Variants in MIGA2 observed in about 807,000 individuals in gnomAD.
MIGA2 encodes the protein mitoguardin 2.
A neutral mutation model predicts 69.9 loss-of-function variants in MIGA2; 36 were observed. The ratio of observed to expected loss-of-function variants is 0.52; its 90% CI spans 0.39 to 0.68. The LOEUF (loss-of-function observed/expected upper bound fraction) is 0.68. MIGA2 is among the 30% of genes least tolerant of loss of function. The pLI, the probability that MIGA2 is intolerant of heterozygous loss-of-function variation, is 0.00. For synonymous variants in MIGA2, 333 were observed against 349.2 expected, an observed-to-expected ratio of 0.95 and a Z score of 0.52; for missense variants, 660 against 787.7, an observed-to-expected ratio of 0.84 and a Z score of 1.94.
intron 6 of MIGA2, among the ~76,000 whole-genome samples, chr9:129,053,342 CA>C (rs1389792915): frequency 6.6e-6 from 1 of 152,052 alleles, no homozygotes; most frequent in Non-Finnish European, 1.5e-5. Flanking sequence ...TTCCTTCAGG[CA>C]TTTTTTTCTG....
chr9:129,065,736 C>A (rs985118269), intron 11 of MIGA2, among the ~76,000 whole-genome samples: 6 of 152,170 alleles, frequency 3.9e-5, no homozygotes, highest in Admixed American at 1.3e-4. Flanking sequence ...TGGAAGCCCC[C>A]CACACCACTT....
rs1347312634 is a variant in MIGA2 at position 129,069,369 on chromosome 9, C to T, written c.1458+240C>T. ...GCCACTGGGGAGGGGAACGGATACC[C>T]TAGGGTAGTGGCCACAGGGCTGGCA... is the stretch of plus-strand genomic sequence containing the variant. On this transcript the variant is annotated intron_variant, in intron 14 of 15. Transcript: ENST00000684074. The surrounding 1 kb of genome is among the most constrained non-coding windows in gnomAD (Gnocchi z 4.9). 5 of 588,956 alleles carry T rather than the reference C, an allele frequency of 8.5e-6. No individual in the cohort carries two copies. The East Asian group carries it at 1.4e-4, about 17-fold the overall frequency. The allele number at this position is 588,956 out of a possible 1,614,324, so 36.5% of individuals were successfully genotyped here. A position where few individuals can be genotyped will look rare whatever the true frequency, so the allele number is the denominator to read the frequency against.
intron 1 of MIGA2, 39 bp from the exon 2 acceptor site, chr9:129,040,413 T>C: frequency 7.5e-7 from 1 of 1,342,008 alleles, no homozygotes; most frequent in Non-Finnish European, 9.7e-7. Context: ...TGTTCCCGTG[T>C]GCACGTTCTC....
intron 12 of MIGA2, 38 bp downstream of exon 12, chr9:129,067,909 C>T (rs767338421): frequency 6.3e-7 from 1 of 1,585,128 alleles, no homozygotes; most frequent in Non-Finnish European, 8.6e-7. Flanking sequence ...ATCCCGGGCT[C>T]CCCTGCATCT....
In MIGA2 at chr9:129,059,083, G is replaced by A; in HGVS notation, c.676-71G>A. The A allele has an allele frequency of 7.2e-7, 1 of 1,382,094 alleles. No individual in the cohort carries two copies. Among genetic ancestry groups the A allele is most frequent in the Non-Finnish European group, 1.0e-6 (1 of 973,086 alleles). 85.6% of individuals were successfully genotyped at this position (1,382,094 alleles called of 1,614,324 possible). On this transcript the variant is annotated intron_variant, in intron 6 of 15. Coordinates refer to ENST00000684074, the MANE Select transcript of MIGA2 (RefSeq NM_001329990.2). The surrounding 1 kb of genome is among the most constrained non-coding windows in gnomAD (Gnocchi z 5.6). ...TCCTCCCCTTTCCCCAGGGACCTGG[G>A]GGTGAGGGAAGGGGCCATTTTCATC... is the stretch of plus-strand genomic sequence containing the variant.
At chr9:129,064,939 C>T (rs564444090) in intron 11 of MIGA2, among the ~76,000 whole-genome samples, 17 of 151,894 alleles carry the variant, frequency 1.1e-4, no homozygotes, top group East Asian at 9.7e-4. Flanking sequence ...TGTGTCACCG[C>T]GCCTGGCTAA....
rs551560383 is a variant in MIGA2 at position 129,040,520 on chromosome 9, G to T, written c.-75G>T. ...GGGCGTGGATGGTGCCTGGGACCCA[G>T]CTGGCAACCAGTTGAAGACGTTCTC... On this transcript the variant is annotated 5_prime_UTR_variant, in exon 2 of 16. Coordinates refer to ENST00000684074, the MANE Select transcript of MIGA2 (RefSeq NM_001329990.2). The T allele has an allele frequency of 5.0e-5, 76 of 1,526,706 alleles. No homozygotes were observed. In the African/African-American group the frequency reaches 9.6e-4, roughly 19 times the overall value. The allele number at this position is 1,526,706 out of a possible 1,614,324, so 94.6% of individuals were successfully genotyped here.
At chr9:129,055,942 A>T (rs993617274) in intron 6 of MIGA2, among the ~76,000 whole-genome samples, 9 of 151,830 alleles carry the variant, frequency 5.9e-5, no homozygotes, top group African/African-American at 2.2e-4. Flanking sequence ...TGAGTCTAGG[A>T]ATTCAAGACC....
In MIGA2 at chr9:129,060,595, G is replaced by C. The variant is rs773977886; in HGVS notation, c.839G>C (p.Arg280Pro). 6.2e-7 allele frequency: 1 copy of C among 1,606,266 alleles called. No homozygotes were observed. The highest frequency in any genetic ancestry group is 8.5e-7 in the Non-Finnish European group (1 of 1,176,582). Reference protein sequence around the residue: ...LPLTEGSLRLRADDEDSLTSE... With the variant: ...LPLTEGSLRLPADDEDSLTSE... ...CTGACCGAGGGCTCGCTGCGGCTGC[G>C]GGCGGACGATGAGGACAGCCTGACT... Residue 280 changes from arginine (R) to proline (P), a missense_variant, in exon 8 of 16, where the codon CGG (arginine) becomes CCG (proline). Coordinates refer to ENST00000684074, the MANE Select transcript of MIGA2 (RefSeq NM_001329990.2). The surrounding 1 kb of genome is among the most constrained non-coding windows in gnomAD (Gnocchi z 4.8).
Position 129,060,773 on chromosome 9 carries a change from G to A in MIGA2, c.894+123G>A, listed in dbSNP as rs1846028567. 2 of 790,734 alleles carry A rather than the reference G, an allele frequency of 2.5e-6. No individual in the cohort carries two copies. Among genetic ancestry groups the A allele is most frequent in the Non-Finnish European group, 4.0e-6 (2 of 500,168 alleles). 49.0% of individuals were successfully genotyped at this position (790,734 alleles called of 1,614,324 possible). A position where few individuals can be genotyped will look rare whatever the true frequency, so the allele number is the denominator to read the frequency against. On this transcript the variant is annotated intron_variant, in intron 8 of 15. Coordinates refer to ENST00000684074, the MANE Select transcript of MIGA2 (RefSeq NM_001329990.2). The surrounding 1 kb of genome is among the most constrained non-coding windows in gnomAD (Gnocchi z 4.8). ...TTTCCTCTGATGGGAGAATTTGGAT[G>A]CTCCCACGGGCCTCCTCGAAGCTGT...
chr9:129,049,742 C>G, intron 5 of MIGA2, 85 bp from the exon 6 acceptor site: 3 of 1,599,788 alleles, frequency 1.9e-6, no homozygotes, highest in Non-Finnish European at 2.6e-6. Flanking sequence ...CTTCAAGGCC[C>G]TCCTGCCTCC....
chr9:129,070,521 G>A lies in MIGA2; in HGVS notation c.*68G>A. On this transcript the variant is annotated 3_prime_UTR_variant, in exon 16 of 16. Coordinates refer to ENST00000684074, the MANE Select transcript of MIGA2 (RefSeq NM_001329990.2). ...CCCTTCCCTGGGTTGGTATCTGACA[G>A]CTGTGGTGGCTGAGGGCCGTTGCCC... 2 of 1,433,170 alleles carry A rather than the reference G, an allele frequency of 1.4e-6. No homozygotes were observed. Among genetic ancestry groups the A allele is most frequent in the Non-Finnish European group, 1.8e-6 (2 of 1,088,940 alleles). 88.8% of individuals were successfully genotyped at this position (1,433,170 alleles called of 1,614,324 possible).
At chr9:129,057,939 T>A (rs1845878567) in intron 6 of MIGA2, among the ~76,000 whole-genome samples, 1 of 152,126 alleles carries the variant, frequency 6.6e-6, no homozygotes, top group South Asian at 2.1e-4. Flanking sequence ...TTAATAACAT[T>A]TTCTTTTCTC....
intron 3 of MIGA2, among the ~76,000 whole-genome samples, chr9:129,044,239 G>A (rs1302270269): frequency 1.3e-5 from 2 of 151,538 alleles, no homozygotes; most frequent in East Asian, 1.9e-4. Flanking sequence ...TGATCCACCC[G>A]CCTTGGCCTC....
chr9:129,063,127 A>G (rs1240792108), intron 9 of MIGA2, 117 bp from the exon 10 acceptor site: 3 of 1,012,340 alleles, frequency 3.0e-6, no homozygotes, highest in Non-Finnish European at 4.5e-6. Context: ...TGCCAGGCTG[A>G]GGCAGGGCCA....
In MIGA2 at chr9:129,071,732, T is replaced by A. The variant is rs1310095960; in HGVS notation, c.*1279T>A. The A allele has an allele frequency of 6.6e-6, 1 of 152,182 alleles. No homozygotes were observed. Among genetic ancestry groups the A allele is most frequent in the Non-Finnish European group, 1.5e-5 (1 of 67,984 alleles). 9.4% of individuals were successfully genotyped at this position (152,182 alleles called of 1,614,324 possible). On this transcript the variant is annotated 3_prime_UTR_variant, in exon 16 of 16. Transcript: ENST00000684074. Reference sequence around the variant, plus strand: ...GGCCCCTTCCCAGACACCGGATCCATGGGCACTAACCCGCCTCCCAGGCTG... The same window carrying A: ...GGCCCCTTCCCAGACACCGGATCCAAGGGCACTAACCCGCCTCCCAGGCTG...
At chr9:129,043,533 C>T (rs376529938) in intron 3 of MIGA2, among the ~76,000 whole-genome samples, 2 of 151,820 alleles carry the variant, frequency 1.3e-5, no homozygotes, top group African/African-American at 2.4e-5. Flanking sequence ...ACTACAGGCA[C>T]GTGCCACCAT....
Position 129,061,293 on chromosome 9 carries a change from T to C in MIGA2, c.957T>C (p.Tyr319=). 6.2e-7 allele frequency: 1 copy of C among 1,610,020 alleles called. No homozygotes were observed. Among genetic ancestry groups the C allele is most frequent in the African/African-American group, 1.3e-5 (1 of 74,854 alleles). ...PIPLSRPAAA[Y]EEALQLVKEG... ...CACTCTCCAGACCCGCCGCTGCCTA[T>C]GAGGAGGCCCTGCAGCTGGTGAAGG... The change falls in exon 9 of 16, where the codon TAT becomes TAC. Residue 319 remains tyrosine (Y), a synonymous_variant. Coordinates refer to ENST00000684074, the MANE Select transcript of MIGA2 (RefSeq NM_001329990.2). This position sits in a 1 kb window ranked among gnomAD's most constrained non-coding sequence, Gnocchi z 5.0.
Position 129,069,253 on chromosome 9 carries a change from T to A in MIGA2, c.1458+124T>A. 1 of 1,245,840 alleles carries A rather than the reference T, an allele frequency of 8.0e-7. No individual in the cohort carries two copies. Among genetic ancestry groups the A allele is most frequent in the Non-Finnish European group, 1.2e-6 (1 of 862,986 alleles). The allele number at this position is 1,245,840 out of a possible 1,614,324, so 77.2% of individuals were successfully genotyped here. A position where few individuals can be genotyped will look rare whatever the true frequency, so the allele number is the denominator to read the frequency against. On this transcript the variant is annotated intron_variant, in intron 14 of 15. Transcript: ENST00000684074. The surrounding 1 kb of genome is among the most constrained non-coding windows in gnomAD (Gnocchi z 4.9). ...TTCACCGCTCACAGTCCTGGCCCCC[T>A]TGTTCCGCCGTTACCTCTCCCTGTG...
Sources: gnomAD v4.1 joint callset for allele counts (sites outside exome capture counted in the v4.1 genomes callset) on GRCh38, gnomAD v4.1.1 for gene constraint, Gnocchi (gnomAD v3.1) non-coding constraint, MANE v1.5 for transcripts, NCBI Gene and HGNC (gene_info 2026-07-23, HGNC 2026-07-21) for gene names.